Variants in MSRA observed in about 807,000 individuals in gnomAD.
The protein encoded by MSRA is mitochondrial peptide methionine sulfoxide reductase.
In MSRA, 54 loss-of-function variants were observed where a neutral mutation model predicts 31.3. The ratio of observed to expected loss-of-function variants is 1.73; its 90% confidence interval spans 1.39 to 2.17. The LOEUF is 2.17. Ranked by LOEUF, MSRA falls within the 30% of genes most tolerant of loss-of-function variation. MSRA has a pLI of 0.00. For missense variants in MSRA, 507 were observed against 300.9 expected (o/e 1.69, Z -5.07); for synonymous variants, 169 against 116.5 (o/e 1.45, Z -2.90).
At chr8:10,157,398 T>G (rs1354413715) in intron 1 of MSRA, among the ~76,000 whole-genome samples, 5 of 152,190 alleles carry the variant, frequency 3.3e-5, no homozygotes, top group African/African-American at 1.2e-4. Flanking sequence ...TTGGTTGGTC[T>G]GGTTGATATC....
chr8:10,055,037 C>G (rs917681913), intron 1 of MSRA, among the ~76,000 whole-genome samples: 1 of 152,216 alleles, frequency 6.6e-6, no homozygotes, highest in African/African-American at 2.4e-5. Context: ...TTTCTTGTCT[C>G]CTCTGCGCCG....
chr8:10,325,264 C>A (rs1361473136), intron 5 of MSRA, among the ~76,000 whole-genome samples: 1 of 152,146 alleles, frequency 6.6e-6, no homozygotes, highest in East Asian at 1.9e-4. Flanking sequence ...TAGCAGAGTG[C>A]ATCCTGCTGC....
intron 5 of MSRA, among the ~76,000 whole-genome samples, chr8:10,388,872 C>T (rs1271860572): frequency 6.6e-6 from 1 of 151,636 alleles, no homozygotes; most frequent in African/African-American, 2.4e-5. Flanking sequence ...CCCACCCCTG[C>T]CACTGCTACC....
At position 10,227,823 on chromosome 8, in the gene MSRA, G is replaced by A. The variant is rs1200764393; in HGVS notation, c.212-17281G>A. ...TATATGGTTTCTTTTATTAGCAGAA[G>A]GTATTTTCAAATTTTGTAGATTTCA... On this transcript the variant is annotated intron_variant, in intron 2 of 5. Coordinates refer to ENST00000317173, the MANE Select transcript of MSRA (RefSeq NM_012331.5). 2.6e-5 allele frequency among the ~76,000 whole-genome samples: 4 copies of A among 152,150 alleles called. No individual in the cohort carries two copies. The East Asian group carries it at 7.7e-4, about 29-fold the overall frequency.
intron 5 of MSRA, among the ~76,000 whole-genome samples, chr8:10,350,368 G>A (rs1296041762): frequency 6.6e-6 from 1 of 152,238 alleles, no homozygotes; most frequent in Non-Finnish European, 1.5e-5. Flanking sequence ...CAGTTAGAGT[G>A]CGGGACTGGA....
intron 1 of MSRA, among the ~76,000 whole-genome samples, chr8:10,065,879 G>T (rs1797430600): frequency 6.6e-6 from 1 of 151,978 alleles, no homozygotes; most frequent in Non-Finnish European, 1.5e-5. Context: ...GTGGCGCTAA[G>T]AGTCAACTCT....
At chr8:10,114,683 G>C (rs1350719819) in intron 1 of MSRA, among the ~76,000 whole-genome samples, 3 of 152,284 alleles carry the variant, frequency 2.0e-5, no homozygotes, top group South Asian at 2.1e-4. Flanking sequence ...TAATTGAAGT[G>C]ACGGGTCAGG....
intron 5 of MSRA, among the ~76,000 whole-genome samples, chr8:10,388,591 C>A (rs759726310): frequency 2.0e-5 from 3 of 152,126 alleles, no homozygotes; most frequent in Non-Finnish European, 4.4e-5. Flanking sequence ...TGATGCTAAA[C>A]CTGAAGCTTC....
chr8:10,388,413 G>A (rs1258019919), intron 5 of MSRA, among the ~76,000 whole-genome samples: 1 of 152,190 alleles, frequency 6.6e-6, no homozygotes, highest in Non-Finnish European at 1.5e-5. Flanking sequence ...TTACGAAAGG[G>A]TAACTTCTCT....
intron 1 of MSRA, among the ~76,000 whole-genome samples, chr8:10,122,014 C>G (rs1390448250): frequency 6.6e-6 from 1 of 151,966 alleles, no homozygotes; most frequent in Non-Finnish European, 1.5e-5. Flanking sequence ...GGGGTTGTGC[C>G]TTTGGCCACA....
chr8:10,269,621 C>G (rs1183853933), intron 3 of MSRA, among the ~76,000 whole-genome samples: 1 of 152,116 alleles, frequency 6.6e-6, no homozygotes, highest in African/African-American at 2.4e-5. Context: ...CTTACTCTCT[C>G]TTTTGGTTTT....
At chr8:10,418,404 G>C (rs1410649514) in intron 5 of MSRA, among the ~76,000 whole-genome samples, 1 of 152,156 alleles carries the variant, frequency 6.6e-6, no homozygotes, top group Admixed American at 6.5e-5. Flanking sequence ...GAGTGGATCT[G>C]CCTGCCCATT....
At chr8:10,416,202 A>G (rs1808449211) in intron 5 of MSRA, among the ~76,000 whole-genome samples, 1 of 152,086 alleles carries the variant, frequency 6.6e-6, no homozygotes, top group Non-Finnish European at 1.5e-5. Context: ...TGTGCTGTTC[A>G]TCCCTGTGTT....
At chr8:10,075,287 G>T (rs17151026) in intron 1 of MSRA, among the ~76,000 whole-genome samples, 1 of 152,080 alleles carries the variant, frequency 6.6e-6, no homozygotes, top group Non-Finnish European at 1.5e-5. Context: ...CTGTAGTATC[G>T]TATTTGGAAG....
intron 5 of MSRA, among the ~76,000 whole-genome samples, chr8:10,369,018 C>T (rs1245897397): frequency 6.6e-6 from 1 of 152,126 alleles, no homozygotes; most frequent in African/African-American, 2.4e-5. Flanking sequence ...AACAATAGGC[C>T]TGAAGTCCAA....
chr8:10,240,011 A>G (rs1042464002), intron 2 of MSRA, among the ~76,000 whole-genome samples: 2 of 152,140 alleles, frequency 1.3e-5, no homozygotes, highest in African/African-American at 2.4e-5. Flanking sequence ...ACAGGTGGAA[A>G]CCAGCTGTGG....
At chr8:10,078,295 G>A (rs1227752700) in intron 1 of MSRA, among the ~76,000 whole-genome samples, 1 of 152,184 alleles carries the variant, frequency 6.6e-6, no homozygotes, top group Non-Finnish European at 1.5e-5. Context: ...TAATACCCAT[G>A]GTAGAGACCA....
At position 10,151,098 on chromosome 8, in the gene MSRA, G is replaced by A. The variant is rs533901454; in HGVS notation, c.143-56735G>A. Among the ~76,000 whole-genome samples the A allele has an allele frequency of 1.3e-4, 19 of 151,816 alleles. No homozygotes were observed. The East Asian group carries it at 1.9e-3, about 16-fold the overall frequency. On this transcript the variant is annotated intron_variant, in intron 1 of 5. Coordinates refer to ENST00000317173, the MANE Select transcript of MSRA (RefSeq NM_012331.5). ...TGGGATCCGTAAAGGAGGAGGTTAG[G>A]GGAGGGAGGATCCATGCCTACTTGT... is the stretch of plus-strand genomic sequence containing the variant.
chr8:10,074,808 A>G (rs1236056119), intron 1 of MSRA, among the ~76,000 whole-genome samples: 1 of 151,950 alleles, frequency 6.6e-6, no homozygotes, highest in African/African-American at 2.4e-5. Context: ...ACAGGCACCT[A>G]CCACCATGCC....
Sources: allele counts gnomAD v4.1 joint callset (sites outside exome capture counted in the v4.1 genomes callset), GRCh38; gene constraint gnomAD v4.1.1; transcripts MANE v1.5; gene names NCBI Gene and HGNC (gene_info 2026-07-23, HGNC 2026-07-21).